Variants in KCNC2 observed in about 807,000 individuals in gnomAD.
KCNC2 encodes voltage-gated potassium channel KCNC2.
A neutral mutation model predicts 44.5 loss-of-function variants in KCNC2; 21 were observed. The observed-to-expected ratio is 0.47, with a 90% CI of 0.33 to 0.68. KCNC2 has a LOEUF of 0.68. Among genes scored for constraint, KCNC2 ranks in the 30% least tolerant of loss-of-function variants. The pLI is 0.01. For synonymous variants in KCNC2, 391 were observed against 339.1 expected (o/e 1.15, Z -1.68); for missense variants, 589 against 826.2 (o/e 0.71, Z 3.52).
intron 2 of KCNC2, among the ~76,000 whole-genome samples, chr12:75,125,670 A>C (rs1888367896): frequency 6.6e-6 from 1 of 152,206 alleles, no homozygotes; most frequent in Non-Finnish European, 1.5e-5. Flanking sequence ...ATTAGCTAGC[A>C]CTATTAGAAT....
chr12:75,132,170 G>A (rs11180375), intron 2 of KCNC2, among the ~76,000 whole-genome samples: 30,230 of 151,848 alleles, frequency 0.2, 3,461 homozygotes, highest in Admixed American at 0.27. Flanking sequence ...AGCCTTTTGG[G>A]GGCTATCAGT....
chr12:75,147,194 A>G (rs1890083593), intron 2 of KCNC2, among the ~76,000 whole-genome samples: 1 of 152,178 alleles, frequency 6.6e-6, no homozygotes, highest in Non-Finnish European at 1.5e-5. Context: ...AATAAAAACA[A>G]TAAGACACCT....
chr12:75,183,642 C>A (rs943643700), intron 2 of KCNC2, among the ~76,000 whole-genome samples: 9 of 152,056 alleles, frequency 5.9e-5, no homozygotes, highest in African/African-American at 2.2e-4. Flanking sequence ...ATCATTATGA[C>A]TCGTTTCAAG....
intron 2 of KCNC2, among the ~76,000 whole-genome samples, chr12:75,082,244 A>G (rs1565838351): frequency 6.6e-6 from 1 of 151,874 alleles, no homozygotes; most frequent in Non-Finnish European, 1.5e-5. Context: ...AAAGATGTAT[A>G]AGAAGGGATT....
chr12:75,109,425 T>G (rs1238974081), intron 2 of KCNC2, among the ~76,000 whole-genome samples: 5 of 152,174 alleles, frequency 3.3e-5, no homozygotes, highest in Admixed American at 2.6e-4. Context: ...AGATAACTTT[T>G]GCCTCAAAGA....
At chr12:75,126,994 A>T (rs1426779480) in intron 2 of KCNC2, among the ~76,000 whole-genome samples, 3 of 152,262 alleles carry the variant, frequency 2.0e-5, no homozygotes, top group East Asian at 3.9e-4. Context: ...TGCCTACTAA[A>T]ACAGTGCTGT....
At chr12:75,088,062 T>G (rs988548747) in intron 2 of KCNC2, among the ~76,000 whole-genome samples, 1 of 152,014 alleles carries the variant, frequency 6.6e-6, no homozygotes, top group Non-Finnish European at 1.5e-5. Context: ...TTAGAGCTGG[T>G]CTATGAAACT....
At chr12:75,117,670 A>C (rs1400025200) in intron 2 of KCNC2, among the ~76,000 whole-genome samples, 1 of 152,158 alleles carries the variant, frequency 6.6e-6, no homozygotes, top group Non-Finnish European at 1.5e-5. Flanking sequence ...GGCAATAGTT[A>C]AAGTTTAAAT....
intron 2 of KCNC2, among the ~76,000 whole-genome samples, chr12:75,106,150 T>C (rs1278667607): frequency 1.3e-5 from 2 of 152,176 alleles, no homozygotes; most frequent in South Asian, 2.1e-4. Context: ...ATGCTGTTGA[T>C]GAATCTCAGT....
At chr12:75,208,027 G>T in intron 1 of KCNC2, 25 bp from the exon 2 acceptor site, 3 of 1,607,338 alleles carry the variant, frequency 1.9e-6, no homozygotes, top group Non-Finnish European at 2.5e-6. Flanking sequence ...ACACAGCGCC[G>T]AGTTAAAGAT....
intron 2 of KCNC2, among the ~76,000 whole-genome samples, chr12:75,182,811 A>G (rs561363756): frequency 3.3e-5 from 5 of 152,236 alleles, no homozygotes; most frequent in South Asian, 2.1e-4. Context: ...AAAGAAAACT[A>G]TAAACAGCCT....
chr12:75,162,338 A>T (rs1891173811), intron 2 of KCNC2, among the ~76,000 whole-genome samples: 1 of 151,666 alleles, frequency 6.6e-6, no homozygotes, highest in African/African-American at 2.4e-5. Flanking sequence ...CTGCTTTTTA[A>T]GTGTTTCTAA....
intron 2 of KCNC2, among the ~76,000 whole-genome samples, chr12:75,198,054 G>C (rs1388740956): frequency 2.0e-5 from 3 of 151,636 alleles, no homozygotes; most frequent in Non-Finnish European, 4.4e-5. Flanking sequence ...GAAAACATGA[G>C]GCAATTAATT....
chr12:75,042,131 G>A lies in KCNC2; in HGVS notation c.*974C>T. The A allele has an allele frequency of 2.4e-6, 3 of 1,250,710 alleles. No individual in the cohort carries two copies. Among genetic ancestry groups the A allele is most frequent in the East Asian group, 3.1e-5 (1 of 31,944 alleles). 77.5% of individuals were successfully genotyped at this position (1,250,710 alleles called of 1,614,324 possible). On this transcript the variant is annotated 3_prime_UTR_variant, in exon 5 of 5. Transcript: ENST00000549446. ...AATTAATAAATAAAAATAAAATAAG[G>A]GGGTAAAAAAAAGACACAAGAGCTT...
At chr12:75,180,505 C>G (rs1310789778) in intron 2 of KCNC2, among the ~76,000 whole-genome samples, 1 of 151,772 alleles carries the variant, frequency 6.6e-6, no homozygotes, top group Non-Finnish European at 1.5e-5. Flanking sequence ...ATGGTGCGTA[C>G]ACTGTGTATT....
chr12:75,043,787 G>A, intron 4 of KCNC2: 2 of 1,509,756 alleles, frequency 1.3e-6, no homozygotes, highest in East Asian at 5.0e-5. Flanking sequence ...TCCAGGTGAT[G>A]TAGGATGGAA....
In KCNC2 at chr12:75,042,908, T is replaced by G; in HGVS notation, c.*197A>C. On this transcript the variant is annotated 3_prime_UTR_variant, in exon 5 of 5. Coordinates refer to ENST00000549446, the MANE Select transcript of KCNC2 (RefSeq NM_139137.4). ...TAATAGGAGGGATCTTAGCACTACTTTAGACAATCTTTAAAGCCTGGGTAA... is the reference window on the plus strand; with the variant it reads ...TAATAGGAGGGATCTTAGCACTACTGTAGACAATCTTTAAAGCCTGGGTAA... 7.2e-7 allele frequency: 1 copy of G among 1,389,940 alleles called. No individual in the cohort carries two copies. Among genetic ancestry groups the G allele is most frequent in the Non-Finnish European group, 9.3e-7 (1 of 1,074,904 alleles). The allele number at this position is 1,389,940 out of a possible 1,614,324, so 86.1% of individuals were successfully genotyped here. A position where few individuals can be genotyped will look rare whatever the true frequency, so the allele number is the denominator to read the frequency against.
intron 2 of KCNC2, among the ~76,000 whole-genome samples, chr12:75,073,418 TC>T (rs1392463151): frequency 2.6e-5 from 4 of 152,182 alleles, no homozygotes; most frequent in Admixed American, 6.5e-5. Flanking sequence ...TAATTTTGTA[TC>T]TTCTCACTTC....
chr12:75,086,808 A>G (rs1223030239), intron 2 of KCNC2, among the ~76,000 whole-genome samples: 1 of 151,810 alleles, frequency 6.6e-6, no homozygotes, highest in East Asian at 1.9e-4. Context: ...ACAGCATTGT[A>G]TACATCTTCT....
Sources: gnomAD v4.1 joint callset for allele counts (sites outside exome capture counted in the v4.1 genomes callset) on GRCh38, gnomAD v4.1.1 for gene constraint, MANE v1.5 for transcripts, NCBI Gene and HGNC (gene_info 2026-07-23, HGNC 2026-07-21) for gene names.